TSPEAR: variants seen among roughly 807,000 people sequenced by gnomAD.
TSPEAR encodes the protein thrombospondin-type laminin G domain and EAR repeat-containing protein.
In TSPEAR, 69 loss-of-function variants were observed where a neutral mutation model predicts 71.6. That is an observed-to-expected ratio of 0.96 (90% confidence interval 0.79 to 1.18). The LOEUF (loss-of-function observed/expected upper bound fraction) is 1.18. Among genes scored for constraint, TSPEAR ranks in the 50% most tolerant of loss-of-function variants. TSPEAR has a pLI of 0.00. For synonymous variants in TSPEAR, 402 were observed against 387.2 expected (o/e 1.04, Z -0.45); for missense variants, 971 against 894.9 (o/e 1.09, Z -1.09).
intron 9 of TSPEAR, among the ~76,000 whole-genome samples, chr21:44,516,794 C>T (rs2052586115): frequency 6.6e-6 from 1 of 152,132 alleles, no homozygotes; most frequent in African/African-American, 2.4e-5. Flanking sequence ...TCACCTGCTT[C>T]GTCCTTGGAC....
intron 2 of TSPEAR, among the ~76,000 whole-genome samples, chr21:44,556,060 G>T (rs1233409821): frequency 6.6e-6 from 1 of 152,206 alleles, no homozygotes; most frequent in African/African-American, 2.4e-5. Context: ...GAAGGTTACA[G>T]AAAATTTCCA....
At chr21:44,540,986 T>A (rs1000677637) in intron 2 of TSPEAR, among the ~76,000 whole-genome samples, 3 of 152,018 alleles carry the variant, frequency 2.0e-5, no homozygotes, top group Admixed American at 1.3e-4. Flanking sequence ...TTATTTTTTT[T>A]TTTTTTTGTA....
chr21:44,689,177 C>T (rs1986996604), intron 1 of TSPEAR, among the ~76,000 whole-genome samples: 1 of 152,128 alleles, frequency 6.6e-6, no homozygotes, highest in Non-Finnish European at 1.5e-5. Context: ...TCACTGCACC[C>T]AGGGGAAACC....
At position 44,533,856 on chromosome 21, in the gene TSPEAR, G is replaced by A; in HGVS notation, c.371C>T (p.Ser124Leu). Residue 124 changes from serine (S) to leucine (L), a missense_variant, in exon 3 of 12, where the codon TCA becomes TTA. Ser to Leu is a moderately radical substitution (Grantham distance 145). Transcript: ENST00000323084. ...GAACAGGAAGTGCAGCTGGGCAGGT[G>A]ACAACCGCAGGCCGAGCAGCAGCAG... ...SDLLLLGLRL[S>L]PAQLHFLFLR... The A allele has an allele frequency of 6.2e-7, 1 of 1,612,448 alleles. No individual in the cohort carries two copies. Among genetic ancestry groups the A allele is most frequent in the Non-Finnish European group, 8.5e-7 (1 of 1,179,908 alleles).
intron 2 of TSPEAR, among the ~76,000 whole-genome samples, chr21:44,554,861 TCAAA>T (rs1555919528): frequency 2.0e-5 from 3 of 152,218 alleles, no homozygotes; most frequent in Non-Finnish European, 4.4e-5. Context: ...TTGTTTTCAA[TCAAA>T]CAAGAAAGAC....
intron 2 of TSPEAR, among the ~76,000 whole-genome samples, chr21:44,548,097 T>C (rs1054573958): frequency 6.6e-6 from 1 of 152,234 alleles, no homozygotes; most frequent in Non-Finnish European, 1.5e-5. Context: ...AAAGCCTCAG[T>C]GTAGCTGCTC....
intron 9 of TSPEAR, among the ~76,000 whole-genome samples, chr21:44,511,301 GCA>G (rs372243831): frequency 9.9e-4 from 150 of 152,232 alleles, no homozygotes; most frequent in Middle Eastern, 3.4e-3. Context: ...TGCACTGTGC[GCA>G]CACACACATG....
At position 44,509,275 on chromosome 21, in the gene TSPEAR, CAT is replaced by C. The variant is rs781890406; in HGVS notation, c.1676_1677del (p.Tyr559CysfsTer134). On this transcript the variant is annotated frameshift_variant, in exon 10 of 12. Coordinates refer to ENST00000323084, the MANE Select transcript of TSPEAR (RefSeq NM_144991.3). LOFTEE classifies it high-confidence loss of function. ...DVEMQVQNDS[Y>X]VINSVIYELN... ...AGCTCGTAGATGACGGAGTTGATGA[CAT>C]AGGAATCATTCTGGACTTGCATCTC... 4.8e-5 allele frequency: 78 copies of C among 1,613,966 alleles called. No homozygotes were observed. Among genetic ancestry groups the C allele is most frequent in the Non-Finnish European group, 6.4e-5 (75 of 1,180,038 alleles).
intron 1 of TSPEAR, chr21:44,647,284 C>T (rs1569239376): frequency 6.2e-7 from 1 of 1,612,112 alleles, no homozygotes; most frequent in South Asian, 1.1e-5. Context: ...CTGCGTGTCC[C>T]TCCTCTGCCG....
intron 1 of TSPEAR, among the ~76,000 whole-genome samples, chr21:44,604,168 G>A (rs901342370): frequency 6.6e-6 from 1 of 152,228 alleles, no homozygotes; most frequent in Non-Finnish European, 1.5e-5. Flanking sequence ...GCCAGAGAGT[G>A]GGTCCACAAG....
rs587703207 is a variant in TSPEAR at position 44,502,614 on chromosome 21, CCTG to C, written c.1856+2163_1856+2165del. 1.8e-4 allele frequency among the ~76,000 whole-genome samples: 27 copies of C among 152,380 alleles called. No individual in the cohort carries two copies. The East Asian group carries it at 4.8e-3, about 27-fold the overall frequency. On this transcript the variant is annotated intron_variant, in intron 11 of 11. Transcript: ENST00000323084. The stretch of plus-strand genomic sequence containing the variant: ...TGTTAGGATGTCCACACGCCGCATC[CCTG>C]ACAGAATCCAAAGGCAGAAGCACCA...
intron 2 of TSPEAR, among the ~76,000 whole-genome samples, chr21:44,541,376 G>A (rs1395231281): frequency 1.3e-5 from 2 of 152,208 alleles, no homozygotes; most frequent in African/African-American, 2.4e-5. Context: ...CCTTTCGTGT[G>A]TGGGGAACTG....
rs367838534 is a variant in TSPEAR, at chr21:44,617,151, A to T, written c.83-49146T>A. Among the ~76,000 whole-genome samples, 3 of 152,116 alleles carry T rather than the reference A, an allele frequency of 2.0e-5. No homozygotes were observed. The South Asian group carries it at 6.2e-4, about 32-fold the overall frequency. ...CACCCCCAGCATGGCCACGTCCACC[A>T]TGTTCATCTCCTCTAGCAGTTGCAC... On this transcript the variant is annotated intron_variant, in intron 1 of 11. Coordinates refer to ENST00000323084, the MANE Select transcript of TSPEAR (RefSeq NM_144991.3).
At position 44,523,086 on chromosome 21, in the gene TSPEAR, T is replaced by C. The variant is rs114053337; in HGVS notation, c.1337-974A>G. ...GGTAGTTAGTCAGTTAGTCAGTCAG[T>C]CAGCCAGCCAGCCAGCCAATTAGTC... On this transcript the variant is annotated intron_variant, in intron 8 of 11. Transcript: ENST00000323084. 5.5e-3 allele frequency among the ~76,000 whole-genome samples: 764 copies of C among 140,158 alleles called. 2 individuals are homozygous for C. The highest frequency in any genetic ancestry group is 0.018 in the African/African-American group (541 of 30,184). 91.9% of individuals were successfully genotyped at this position (140,158 alleles called of 152,430 possible).
intron 2 of TSPEAR, chr21:44,550,669 C>T (rs782198608): frequency 1.2e-6 from 2 of 1,610,924 alleles, no homozygotes; most frequent in South Asian, 2.2e-5. Context: ...CTGAGCCCGG[C>T]TGGCCCTGGG....
intron 1 of TSPEAR, chr21:44,697,966 C>A: frequency 6.3e-7 from 1 of 1,592,980 alleles, no homozygotes; most frequent in Non-Finnish European, 8.6e-7. Flanking sequence ...AGAAGTCCAG[C>A]TGCTGCCAGG....
intron 1 of TSPEAR, among the ~76,000 whole-genome samples, chr21:44,657,507 A>G (rs1985220523): frequency 6.6e-6 from 1 of 152,256 alleles, no homozygotes; most frequent in African/African-American, 2.4e-5. Flanking sequence ...CATTTGAAAA[A>G]CAGGCAGTGG....
chr21:44,688,444 G>A (rs1986958230), intron 1 of TSPEAR, among the ~76,000 whole-genome samples: 1 of 152,206 alleles, frequency 6.6e-6, no homozygotes, highest in Non-Finnish European at 1.5e-5. Flanking sequence ...GAGACGGCCG[G>A]GCGCGGTGGC....
intron 1 of TSPEAR, among the ~76,000 whole-genome samples, chr21:44,595,225 C>T (rs1189999433): frequency 6.6e-6 from 1 of 152,192 alleles, no homozygotes; most frequent in East Asian, 1.9e-4. Context: ...ATCTCTCCAT[C>T]TCTCTCTGTC....
Sources: allele counts gnomAD v4.1 joint callset (sites outside exome capture counted in the v4.1 genomes callset), GRCh38; gene constraint gnomAD v4.1.1; transcripts MANE v1.5; gene names NCBI Gene and HGNC (gene_info 2026-07-23, HGNC 2026-07-21).